PLOD2: variants seen among roughly 807,000 people sequenced by gnomAD.
PLOD2 encodes procollagen-lysine,2-oxoglutarate 5-dioxygenase 2.
PLOD2 carries 65 observed loss-of-function variants against 101.0 expected under a neutral mutation model. The ratio of observed to expected loss-of-function variants is 0.64; its 90% confidence interval spans 0.53 to 0.79. The LOEUF (loss-of-function observed/expected upper bound fraction) is 0.79, where lower values mean the gene tolerates loss of function less well. Among genes scored for constraint, PLOD2 ranks in the 30% least tolerant of loss-of-function variants. The pLI, the probability that PLOD2 is intolerant of heterozygous loss-of-function variation, is 0.00. For missense variants in PLOD2, 909 were observed against 914.6 expected (o/e 0.99, Z 0.08); for synonymous variants, 314 against 302.9 (o/e 1.04, Z -0.38).
intron 7 of PLOD2, among the ~76,000 whole-genome samples, chr3:146,095,584 T>C (rs897615288): frequency 1.3e-4 from 19 of 151,954 alleles, no homozygotes; most frequent in African/African-American, 4.6e-4. Context: ...TACGGAGAAA[T>C]AGGAACGCTT....
chr3:146,078,374 A>G (rs1214460883), intron 13 of PLOD2, among the ~76,000 whole-genome samples: 1 of 151,918 alleles, frequency 6.6e-6, no homozygotes, highest in Non-Finnish European at 1.5e-5. Context: ...CTAAGAAAAA[A>G]ATACTTGCCA....
intron 7 of PLOD2, among the ~76,000 whole-genome samples, chr3:146,098,687 T>C (rs1937284595): frequency 6.6e-6 from 1 of 152,154 alleles, no homozygotes; most frequent in Admixed American, 6.5e-5. Flanking sequence ...TTTAGTATCA[T>C]CAACATACTA....
At position 146,124,135 on chromosome 3, in the gene PLOD2, T is replaced by C. The variant is rs2108097767; in HGVS notation, c.201+3A>G. On this transcript the variant is annotated splice_donor_region_variant and intron_variant, in intron 2 of 19. Coordinates refer to ENST00000282903, the MANE Select transcript of PLOD2 (RefSeq NM_182943.3). The stretch of plus-strand genomic sequence containing the variant: ...TCTTCATAGGTTAAAGGATATACCA[T>C]ACCTTCACAGTATAATTGAAATATT... 1 of 1,459,830 alleles carries C rather than the reference T, an allele frequency of 6.9e-7. No homozygotes were observed. The highest frequency in any genetic ancestry group is 2.3e-5 in the East Asian group (1 of 44,070). The allele number at this position is 1,459,830 out of a possible 1,614,324, so 90.4% of individuals were successfully genotyped here. A position where few individuals can be genotyped will look rare whatever the true frequency, so the allele number is the denominator to read the frequency against.
rs116803293 is a variant in PLOD2, at chr3:146,160,980, A to T, written c.10T>A (p.Cys4Ser). MGG[C>S]TVKPQLLLLA... ...AGCAGCAGCTGAGGCTTCACCGTGCATCCCCCCATATTCGGCCCTCGAGGG... is the reference window on the plus strand; with the variant it reads ...AGCAGCAGCTGAGGCTTCACCGTGCTTCCCCCCATATTCGGCCCTCGAGGG... Residue 4 changes from cysteine (C) to serine (S), a missense_variant, in exon 1 of 20, where the codon TGC becomes AGC. Coordinates refer to ENST00000282903, the MANE Select transcript of PLOD2 (RefSeq NM_182943.3). The T allele has an allele frequency of 1.2e-3, 1,901 of 1,580,650 alleles. 25 individuals carry two copies. In the African/African-American group the frequency reaches 0.023, roughly 19 times the overall value.
chr3:146,072,728 G>T, intron 16 of PLOD2, 63 bp from the exon 17 acceptor site: 1 of 1,004,820 alleles, frequency 1.0e-6, no homozygotes, highest in Non-Finnish European at 1.6e-6. Context: ...GTCTAAAATA[G>T]TTATTTTAAT....
intron 14 of PLOD2, 164 bp from the exon 15 acceptor site, chr3:146,077,059 T>G (rs1229259678): frequency 1.5e-6 from 2 of 1,294,690 alleles, no homozygotes; most frequent in East Asian, 6.2e-5. Context: ...AATAAAAAAC[T>G]CAAATTTTGA....
intron 7 of PLOD2, among the ~76,000 whole-genome samples, chr3:146,100,082 T>C (rs1234950161): frequency 1.3e-5 from 2 of 152,030 alleles, no homozygotes; most frequent in Non-Finnish European, 2.9e-5. Flanking sequence ...GGTTTCACCA[T>C]GTTGGTCAGG....
intron 7 of PLOD2, among the ~76,000 whole-genome samples, chr3:146,096,149 G>A (rs1159513732): frequency 3.4e-5 from 5 of 149,114 alleles, no homozygotes; most frequent in East Asian, 2.0e-4. Flanking sequence ...TCGGCCTCCC[G>A]AGGTGCCGGG....
At chr3:146,112,984 A>G (rs1386311468) in intron 3 of PLOD2, among the ~76,000 whole-genome samples, 1 of 152,140 alleles carries the variant, frequency 6.6e-6, no homozygotes, top group African/African-American at 2.4e-5. Context: ...TAATAATAAA[A>G]TTTAAAAATT....
chr3:146,157,546 T>G (rs138320011), intron 1 of PLOD2, among the ~76,000 whole-genome samples: 28 of 152,340 alleles, frequency 1.8e-4, no homozygotes, highest in Non-Finnish European at 3.4e-4. Context: ...TCAATTCCAG[T>G]AGATATTATT....
At chr3:146,077,772 A>T in intron 14 of PLOD2, 90 bp downstream of exon 14, 2 of 724,874 alleles carry the variant, frequency 2.8e-6, no homozygotes, top group South Asian at 3.5e-5. Flanking sequence ...CTAAATGCAA[A>T]TAAGGCCCTT....
intron 1 of PLOD2, among the ~76,000 whole-genome samples, chr3:146,155,552 A>C (rs1403260070): frequency 1.3e-5 from 2 of 150,534 alleles, no homozygotes; most frequent in Non-Finnish European, 3.0e-5. Context: ...CTCTACTAAA[A>C]AAAAAATACA....
chr3:146,116,035 C>A (rs984783460), intron 3 of PLOD2, among the ~76,000 whole-genome samples: 1 of 152,124 alleles, frequency 6.6e-6, no homozygotes, highest in African/African-American at 2.4e-5. Context: ...GTCATTTAGC[C>A]CCAATCCTTT....
rs1189369152 is a variant in PLOD2, at chr3:146,070,881, G to T, written c.2122-9C>A. On this transcript the variant is annotated splice_polypyrimidine_tract_variant and intron_variant, in intron 19 of 19. Coordinates refer to ENST00000282903, the MANE Select transcript of PLOD2 (RefSeq NM_182943.3). Reference sequence around the variant, plus strand: ...AATTTGCAACCACCTCCCTAAAAAAGTTAAAATGAAGAAATACATCAGATT... The same window carrying T: ...AATTTGCAACCACCTCCCTAAAAAATTTAAAATGAAGAAATACATCAGATT... 1 of 1,601,714 alleles carries T rather than the reference G, an allele frequency of 6.2e-7. No homozygotes were observed. Among genetic ancestry groups the T allele is most frequent in the East Asian group, 2.2e-5 (1 of 44,554 alleles).
chr3:146,158,659 T>C (rs1366091895), intron 1 of PLOD2, among the ~76,000 whole-genome samples: 2 of 143,626 alleles, frequency 1.4e-5, no homozygotes, highest in Non-Finnish European at 1.5e-5. Context: ...CTGGGGACAT[T>C]AGGCCTTTTT....
intron 1 of PLOD2, among the ~76,000 whole-genome samples, chr3:146,155,558 AT>A (rs2108148609): frequency 6.6e-6 from 1 of 150,986 alleles, no homozygotes; most frequent in South Asian, 2.1e-4. Context: ...TAAAAAAAAA[AT>A]ACAAAAATTA....
chr3:146,083,112 G>A (rs1936621068), intron 11 of PLOD2, among the ~76,000 whole-genome samples: 1 of 152,090 alleles, frequency 6.6e-6, no homozygotes. Flanking sequence ...AAAAGAACTT[G>A]TAATTTATAA....
At chr3:146,071,624 G>A (rs979104562) in intron 17 of PLOD2, among the ~76,000 whole-genome samples, 1 of 151,684 alleles carries the variant, frequency 6.6e-6, no homozygotes, top group African/African-American at 2.4e-5. Flanking sequence ...ACGAAACAAA[G>A]TAATGTAAGG....
chr3:146,081,560 T>C (rs1936540875), intron 12 of PLOD2, among the ~76,000 whole-genome samples, 178 bp downstream of exon 12: 1 of 152,128 alleles, frequency 6.6e-6, no homozygotes, highest in Non-Finnish European at 1.5e-5. Context: ...TTAAAAACAT[T>C]TTTTTAAGAT....
Sources: allele counts gnomAD v4.1 joint callset (sites outside exome capture counted in the v4.1 genomes callset), GRCh38; gene constraint gnomAD v4.1.1; transcripts MANE v1.5; gene names NCBI Gene and HGNC (gene_info 2026-07-23, HGNC 2026-07-21).